Variants in NOL11 observed in about 807,000 individuals in gnomAD.
NOL11 encodes nucleolar protein 11.
Under a neutral mutation model 93.0 loss-of-function variants are expected in NOL11, and 42 were observed. The ratio of observed to expected loss-of-function variants is 0.45; its 90% CI spans 0.35 to 0.58. The LOEUF (loss-of-function observed/expected upper bound fraction) is 0.58, where lower values mean the gene tolerates loss of function less well. Among genes scored for constraint, NOL11 ranks in the 20% least tolerant of loss-of-function variants. NOL11 has a pLI of 0.00. For synonymous variants in NOL11, 296 were observed against 293.7 expected, an observed-to-expected ratio of 1.01 and a Z score of -0.08; for missense variants, 775 against 841.8, an observed-to-expected ratio of 0.92 and a Z score of 0.98.
At chr17:67,722,752 A>G in intron 5 of NOL11, 115 bp downstream of exon 5, 1 of 1,351,572 alleles carries the variant, frequency 7.4e-7, no homozygotes, top group Non-Finnish European at 9.7e-7. Context: ...TGGTGCCACG[A>G]TGGTTCACTG....
At chr17:67,732,687 C>T (rs1172952138) in intron 7 of NOL11, among the ~76,000 whole-genome samples, 2 of 151,300 alleles carry the variant, frequency 1.3e-5, no homozygotes, top group Non-Finnish European at 2.9e-5. Flanking sequence ...AGTTCTCCTG[C>T]CTCAACCTCC....
chr17:67,718,551 C>G (rs2043193401), intron 1 of NOL11, among the ~76,000 whole-genome samples: 1 of 152,134 alleles, frequency 6.6e-6, no homozygotes, highest in Non-Finnish European at 1.5e-5. Context: ...GAGTGAGGGA[C>G]TTTCTTGATA....
chr17:67,738,794 GTGTT>G (rs1440189025), intron 14 of NOL11, 134 bp from the exon 15 acceptor site: 27 of 604,410 alleles, frequency 4.5e-5, no homozygotes, highest in Admixed American at 9.3e-5. Flanking sequence ...GATTAGGAGA[GTGTT>G]TGGTGATAGA....
chr17:67,722,786 C>G, intron 5 of NOL11, 149 bp downstream of exon 5: 1 of 1,128,412 alleles, frequency 8.9e-7, no homozygotes, highest in Non-Finnish European at 1.2e-6. Flanking sequence ...CTGGCTCAAG[C>G]AGTCCTCCCA....
chr17:67,723,988 CAT>C (rs2055061791), intron 5 of NOL11, 59 bp from the exon 6 acceptor site: 6 of 1,220,876 alleles, frequency 4.9e-6, no homozygotes, highest in Admixed American at 2.3e-5. Context: ...CTGGTTTTAA[CAT>C]ATGTTAAAAT....
chr17:67,724,150 T>A lies in NOL11; in HGVS notation c.621T>A (p.Phe207Leu). The part of the protein sequence containing the change: ...GQDENSVIKS[F>L]TASVDRKFIS... The stretch of plus-strand genomic sequence containing the variant: ...ACGAAAACTCTGTTATAAAGAGTTT[T>A]ACTGCATCTGTAGATCGGAAATTCA... The change falls in exon 6 of 18, where the codon TTT becomes TTA. Residue 207 changes from phenylalanine (F) to leucine (L), a missense_variant. Physicochemically the swap from Phe to Leu is conservative, Grantham distance 22 (BLOSUM62 0). This residue lies in a region of NOL11 where 359 missense variants were observed against 316.5 expected (regional missense o/e 1.13). Transcript: ENST00000253247. 6.3e-7 allele frequency: 1 copy of A among 1,590,182 alleles called. No individual in the cohort carries two copies.
rs760850305 is a variant in NOL11 at position 67,726,533 on chromosome 17, T to C, written c.738T>C (p.Val246=). 6.2e-7 allele frequency: 1 copy of C among 1,614,154 alleles called. No individual in the cohort carries two copies. Among genetic ancestry groups the C allele is most frequent in the South Asian group, 1.1e-5 (1 of 91,068 alleles). ...PADPEKNQSL[V]KSLLLKAVVS... is the part of the protein sequence containing the mutation. ...ACCCAGAAAAAAATCAGAGCTTAGTTAAATCACTGCTGCTCAAGGCTGTTG... is the reference window on the plus strand; with the variant it reads ...ACCCAGAAAAAAATCAGAGCTTAGTCAAATCACTGCTGCTCAAGGCTGTTG... Residue 246 remains valine, a synonymous_variant, in exon 7 of 18, where the codon GTT becomes GTC. Coordinates refer to ENST00000253247, the MANE Select transcript of NOL11 (RefSeq NM_015462.5).
intron 7 of NOL11, among the ~76,000 whole-genome samples, chr17:67,727,737 G>A (rs1002607807): frequency 6.6e-6 from 1 of 151,958 alleles, no homozygotes; most frequent in African/African-American, 2.4e-5. Flanking sequence ...GCTGAGACAG[G>A]CAGATTGCTT....
At chr17:67,742,513 TATTAAA>T (rs1287254755) in intron 16 of NOL11, among the ~76,000 whole-genome samples, 3 of 152,362 alleles carry the variant, frequency 2.0e-5, no homozygotes, top group South Asian at 2.1e-4. Flanking sequence ...TTTTTCATGC[TATTAAA>T]ATTAAAGTTT....
intron 4 of NOL11, among the ~76,000 whole-genome samples, 160 bp from the exon 5 acceptor site, chr17:67,722,420 G>C (rs540355014): frequency 7.8e-4 from 119 of 152,226 alleles, no homozygotes; most frequent in Non-Finnish European, 1.5e-4. Context: ...AATGCGTATT[G>C]CTTGTGGTAT....
chr17:67,742,539 ACTT>A (rs1411527429), intron 16 of NOL11, among the ~76,000 whole-genome samples: 1 of 152,158 alleles, frequency 6.6e-6, no homozygotes, highest in African/African-American at 2.4e-5. Flanking sequence ...TTCCTCTATA[ACTT>A]CTTTATGGCT....
Position 67,739,010 on chromosome 17 carries a change from G to A in NOL11, c.1842G>A (p.Thr614=), listed in dbSNP as rs1359297144. ...HLKDIPAQHI[T]LFLKYLYFLY... ...AAGACATCCCAGCACAGCATATCAC[G>A]GTAAGTGTTCATACAAGTTGTATAG... The change falls in exon 15 of 18, where the codon ACG becomes ACA. Residue 614 remains threonine (T), a splice_region_variant and synonymous_variant. Transcript: ENST00000253247. The A allele has an allele frequency of 1.4e-5, 23 of 1,600,308 alleles. No homozygotes were observed. The highest frequency in any genetic ancestry group is 1.7e-5 in the Non-Finnish European group (20 of 1,168,846).
At chr17:67,720,715 A>G (rs1029397170) in intron 3 of NOL11, among the ~76,000 whole-genome samples, 1 of 152,334 alleles carries the variant, frequency 6.6e-6, no homozygotes, top group South Asian at 2.1e-4. Context: ...TTTCTTACTT[A>G]TAAAATGAGG....
Position 67,735,797 on chromosome 17 carries a change from G to A in NOL11, c.931-103G>A, listed in dbSNP as rs9896019. 7.0e-3 allele frequency: 5,354 copies of A among 760,802 alleles called. 203 individuals are homozygous for A. In the African/African-American group the frequency reaches 0.087, roughly 12 times the overall value. 47.1% of individuals were successfully genotyped at this position (760,802 alleles called of 1,614,324 possible). A position where few individuals can be genotyped will look rare whatever the true frequency, so the allele number is the denominator to read the frequency against. The stretch of plus-strand genomic sequence containing the variant: ...TCTTGAAAGTTGCTTACTTTGCCTC[G>A]TTTTTAATACTGAGCACTTATACAG... On this transcript the variant is annotated intron_variant, in intron 8 of 17. Transcript: ENST00000253247.
chr17:67,727,576 G>C (rs2055108004), intron 7 of NOL11, among the ~76,000 whole-genome samples: 1 of 152,076 alleles, frequency 6.6e-6, no homozygotes, highest in Non-Finnish European at 1.5e-5. Context: ...AGGATCGCTT[G>C]AACCTGGGAG....
chr17:67,742,968 G>A (rs75921196), intron 16 of NOL11, among the ~76,000 whole-genome samples: 1,568 of 152,258 alleles, frequency 0.01, 25 homozygotes, highest in African/African-American at 0.034. Context: ...AACTACTGGC[G>A]CGGTGTCTCA....
At chr17:67,740,693 GT>G (rs2055248129) in intron 16 of NOL11, 1 of 154,352 alleles carries the variant, frequency 6.5e-6, no homozygotes, top group Admixed American at 6.6e-5. Flanking sequence ...CATGTCTATA[GT>G]TCCTTGTCTT....
chr17:67,736,148 T>C lies in NOL11; in HGVS notation c.1054+125T>C, dbSNP rs1019334293. On this transcript the variant is annotated intron_variant, in intron 9 of 17. Transcript: ENST00000253247. ...TAATTTTGAAATTTACCGCTGTTTA[T>C]TGAAACTTGTGAACAGGCCAGGCAC... is the stretch of plus-strand genomic sequence containing the variant. 7.6e-6 allele frequency: 7 copies of C among 920,688 alleles called. No individual in the cohort carries two copies. In the Admixed American group the frequency reaches 8.9e-5, roughly 12 times the overall value. The allele number at this position is 920,688 out of a possible 1,614,324, so 57.0% of individuals were successfully genotyped here. A position where few individuals can be genotyped will look rare whatever the true frequency, so the allele number is the denominator to read the frequency against.
chr17:67,722,816 C>T (rs1429754670), intron 5 of NOL11, among the ~76,000 whole-genome samples, 179 bp downstream of exon 5: 1 of 152,064 alleles, frequency 6.6e-6, no homozygotes. Flanking sequence ...GCCGAGTTGC[C>T]TCGTAGCTGG....
Sources: allele counts gnomAD v4.1 joint callset (sites outside exome capture counted in the v4.1 genomes callset), GRCh38; gene constraint gnomAD v4.1.1; regional missense constraint gnomAD v4.1.1; transcripts MANE v1.5; gene names NCBI Gene and HGNC (gene_info 2026-07-23, HGNC 2026-07-21).